Variants in INPP5B observed in about 807,000 individuals in gnomAD.
INPP5B encodes type II inositol 1,4,5-trisphosphate 5-phosphatase.
A neutral mutation model predicts 118.5 loss-of-function variants in INPP5B; 90 were observed. That is an observed-to-expected ratio of 0.76 (90% CI 0.64 to 0.90). INPP5B has a LOEUF of 0.90. INPP5B is among the 40% of genes least tolerant of loss of function. The probability of loss-of-function intolerance (pLI) is 0.00; values close to 1 mark genes in which losing one functional copy is unlikely to be tolerated. For missense variants in INPP5B, 984 were observed against 1,125.6 expected (o/e 0.87, Z 1.80); for synonymous variants, 385 against 418.9 (o/e 0.92, Z 0.99).
intron 5 of INPP5B, chr1:37,941,958 A>AAAAAAAATATATATATATAT (rs1427344681): frequency 9.9e-5 from 3 of 30,384 alleles, no homozygotes; most frequent in Admixed American, 3.0e-4. Flanking sequence ...AAAAAAAAAA[A>AAAAAAAATATATATATATAT]ATATATATAT....
intron 9 of INPP5B, 70 bp downstream of exon 9, chr1:37,889,487 G>C (rs370392846): frequency 1.7e-6 from 2 of 1,200,784 alleles, no homozygotes; most frequent in Non-Finnish European, 1.2e-6. Flanking sequence ...GGTATAGGAG[G>C]AAGTGCTCAA....
intron 5 of INPP5B, among the ~76,000 whole-genome samples, chr1:37,943,237 A>T (rs1645998223): frequency 6.6e-6 from 1 of 151,762 alleles, no homozygotes; most frequent in Admixed American, 6.6e-5. Context: ...TGACCTCGTG[A>T]TCTTGGCCCC....
intron 7 of INPP5B, among the ~76,000 whole-genome samples, chr1:37,899,250 T>A (rs1644239937): frequency 6.6e-6 from 1 of 151,054 alleles, no homozygotes; most frequent in Non-Finnish European, 1.5e-5. Flanking sequence ...ATAATGGTGT[T>A]CCATGGGGGT....
At position 37,865,873 on chromosome 1, in the gene INPP5B, G is replaced by A. The variant is rs1450598768; in HGVS notation, c.2402C>T (p.Ser801Phe). 1 of 1,613,356 alleles carries A rather than the reference G, an allele frequency of 6.2e-7. No homozygotes were observed. The highest frequency in any genetic ancestry group is 2.2e-5 in the East Asian group (1 of 44,840). ...MIDNLSASNH[S>F]VAEALLLFLE... is the part of the protein sequence containing the mutation. ...GAAAAGCAGCAGGGCTTCGGCTACAGAATGATTGCTGGCAGCTTTTGGCCC... is the reference window on the plus strand; with the variant it reads ...GAAAAGCAGCAGGGCTTCGGCTACAAAATGATTGCTGGCAGCTTTTGGCCC... The change falls in exon 22 of 24, where the codon TCT becomes TTT. Residue 801 changes from serine to phenylalanine, a missense_variant. Ser to Phe is a radical substitution (Grantham distance 155, BLOSUM62 -2). This residue lies in a region of INPP5B where 634 missense variants were observed against 791.0 expected (regional missense o/e 0.80). Transcript: ENST00000373024.
intron 7 of INPP5B, chr1:37,930,531 A>AG (rs2148660563): frequency 6.6e-6 from 1 of 152,408 alleles, no homozygotes; most frequent in East Asian, 1.9e-4. Context: ...AGGGGCAAGG[A>AG]GATGAGGTGC....
chr1:37,870,725 A>T (rs1642362591), intron 19 of INPP5B: 1 of 152,312 alleles, frequency 6.6e-6, no homozygotes, highest in African/African-American at 2.4e-5. Context: ...CCAGAACTGT[A>T]AGAAATAAAT....
At chr1:37,897,393 A>C (rs1020240478) in intron 7 of INPP5B, among the ~76,000 whole-genome samples, 7 of 151,380 alleles carry the variant, frequency 4.6e-5, no homozygotes, top group Non-Finnish European at 1.0e-4. Context: ...GTACTAAGAA[A>C]AATTCTTCTG....
chr1:37,908,811 TGGCTGCTCACCCACATTGCAGCCCAG>T (rs536657052), intron 7 of INPP5B, among the ~76,000 whole-genome samples: 49 of 152,272 alleles, frequency 3.2e-4, no homozygotes, highest in African/African-American at 5.3e-4. Context: ...ATGCCTGCTT[TGGCTGCTCACCCACATTGCAGCCCAG>T]GGCTGCTCAC....
chr1:37,918,320 C>G (rs1349931817), intron 7 of INPP5B, among the ~76,000 whole-genome samples: 1 of 152,224 alleles, frequency 6.6e-6, no homozygotes, highest in Non-Finnish European at 1.5e-5. Flanking sequence ...CAATTGGCAT[C>G]TGACGCCCTT....
Position 37,861,002 on chromosome 1 carries a change from A to T in INPP5B, c.*1313T>A, listed in dbSNP as rs1051345514. ...ACCACACCCAGCTAATTTTTTAAAAATGTTTTTGTAGAGAGGGGGTCTCCC... is the reference window on the plus strand; with the variant it reads ...ACCACACCCAGCTAATTTTTTAAAATTGTTTTTGTAGAGAGGGGGTCTCCC... On this transcript the variant is annotated 3_prime_UTR_variant, in exon 24 of 24. Coordinates refer to ENST00000373024, the MANE Select transcript of INPP5B (RefSeq NM_005540.3). The T allele has an allele frequency of 1.3e-5, 2 of 152,134 alleles. No homozygotes were observed. Among genetic ancestry groups the T allele is most frequent in the Admixed American group, 1.3e-4 (2 of 15,276 alleles). 9.4% of individuals were successfully genotyped at this position (152,134 alleles called of 1,614,324 possible). A position where few individuals can be genotyped will look rare whatever the true frequency, so the allele number is the denominator to read the frequency against.
chr1:37,905,508 T>C (rs1427240228), intron 7 of INPP5B, among the ~76,000 whole-genome samples: 2 of 152,240 alleles, frequency 1.3e-5, no homozygotes, highest in Non-Finnish European at 2.9e-5. Flanking sequence ...TACTAATAAT[T>C]ACAATTGTTA....
At chr1:37,931,562 C>A in intron 7 of INPP5B, 1 of 1,537,770 alleles carries the variant, frequency 6.5e-7, no homozygotes. Context: ...GGACTTTGGT[C>A]TTCGCCCCGA....
chr1:37,865,397 T>C (rs936017816), intron 22 of INPP5B, among the ~76,000 whole-genome samples: 1 of 152,116 alleles, frequency 6.6e-6, no homozygotes, highest in Non-Finnish European at 1.5e-5. Context: ...AGCTTTAGAA[T>C]ACACAATCTG....
chr1:37,888,123 A>G (rs572376799), intron 10 of INPP5B, 120 bp downstream of exon 10: 2 of 550,386 alleles, frequency 3.6e-6, no homozygotes, highest in South Asian at 1.1e-4. Flanking sequence ...CAAACAGGGA[A>G]ACAGCTGTTA....
At position 37,943,637 on chromosome 1, in the gene INPP5B, C is replaced by T. The variant is rs369649738; in HGVS notation, c.280+3G>A. 19 of 1,613,894 alleles carry T rather than the reference C, an allele frequency of 1.2e-5. No individual in the cohort carries two copies. The African/African-American group carries it at 2.4e-4, about 20-fold the overall frequency. ...TGGGACCCAGACCAAGAGGACCACT[C>T]ACCAAGGATGTAGAGTTCACCATCT... On this transcript the variant is annotated splice_donor_region_variant and intron_variant, in intron 5 of 23. Transcript: ENST00000373024.
intron 7 of INPP5B, among the ~76,000 whole-genome samples, chr1:37,913,170 T>C (rs1644757864): frequency 6.6e-6 from 1 of 152,126 alleles, no homozygotes; most frequent in Non-Finnish European, 1.5e-5. Flanking sequence ...GGCAGGAGAA[T>C]GGTGTGAACC....
chr1:37,889,447 A>G, intron 9 of INPP5B, 110 bp downstream of exon 9: 1 of 771,708 alleles, frequency 1.3e-6, no homozygotes, highest in Non-Finnish European at 2.1e-6. Flanking sequence ...GAGGGGAGAG[A>G]TTCTATAGAA....
At chr1:37,915,380 G>A (rs765926490) in intron 7 of INPP5B, among the ~76,000 whole-genome samples, 4 of 152,192 alleles carry the variant, frequency 2.6e-5, no homozygotes, top group Non-Finnish European at 4.4e-5. Flanking sequence ...TATAACTTAC[G>A]AAGAGTAATA....
At chr1:37,902,796 G>T (rs1045188747) in intron 7 of INPP5B, among the ~76,000 whole-genome samples, 5 of 151,982 alleles carry the variant, frequency 3.3e-5, no homozygotes, top group Non-Finnish European at 5.9e-5. Context: ...GACCTCAGGC[G>T]ATCGACCCAC....
Sources: allele counts gnomAD v4.1 joint callset (sites outside exome capture counted in the v4.1 genomes callset), GRCh38; gene constraint gnomAD v4.1.1; regional missense constraint gnomAD v4.1.1; transcripts MANE v1.5; gene names NCBI Gene and HGNC (gene_info 2026-07-23, HGNC 2026-07-21).